The following CACNA2D3 variants were observed in gnomAD, a reference collection of about 807,000 sequenced individuals.
CACNA2D3 encodes voltage-dependent calcium channel subunit alpha-2/delta-3.
Under a neutral mutation model 160.6 loss-of-function variants are expected in CACNA2D3, and 60 were observed. That is an observed-to-expected ratio of 0.37 (90% CI 0.30 to 0.46). The LOEUF is 0.46. Ranked by LOEUF, CACNA2D3 falls within the 20% of genes least tolerant of loss-of-function variation. The pLI is 1.00. For synonymous variants in CACNA2D3, 558 were observed against 492.9 expected (o/e 1.13, Z -1.75); for missense variants, 1,205 against 1,365.0 (o/e 0.88, Z 1.85).
chr3:54,286,218 G>A lies in CACNA2D3; in HGVS notation c.205-34224G>A, dbSNP rs200259063. 8.3e-4 allele frequency among the ~76,000 whole-genome samples: 127 copies of A among 152,310 alleles called. No homozygotes were observed. The East Asian group carries it at 0.017, about 20-fold the overall frequency. On this transcript the variant is annotated intron_variant, in intron 2 of 37. Coordinates refer to ENST00000474759, the MANE Select transcript of CACNA2D3 (RefSeq NM_018398.3). ...GGAATGTATAACTAGAATAACCAAT[G>A]CAGAGAAGTCCTTAAAGGAGCTGAT...
intron 2 of CACNA2D3, among the ~76,000 whole-genome samples, chr3:54,308,177 G>T (rs1174181712): frequency 6.6e-6 from 1 of 152,152 alleles, no homozygotes. Flanking sequence ...AGGTGTGGTG[G>T]TTAAGAGCAT....
chr3:54,126,063 G>A (rs1699584599), intron 2 of CACNA2D3, among the ~76,000 whole-genome samples: 1 of 152,120 alleles, frequency 6.6e-6, no homozygotes, highest in African/African-American at 2.4e-5. Flanking sequence ...TCTTTTTAAG[G>A]CATGGATTTT....
intron 14 of CACNA2D3, among the ~76,000 whole-genome samples, chr3:54,819,787 G>A (rs189859735): frequency 5.3e-4 from 81 of 151,878 alleles, no homozygotes; most frequent in Admixed American, 1.4e-3. Flanking sequence ...GGAGGTTGCA[G>A]TGAGCCGAGA....
At chr3:54,812,019 C>T (rs1364419695) in intron 13 of CACNA2D3, among the ~76,000 whole-genome samples, 1 of 152,210 alleles carries the variant, frequency 6.6e-6, no homozygotes, top group Non-Finnish European at 1.5e-5. Context: ...CTGTCATAAT[C>T]ACCTGTCATT....
At chr3:54,997,183 TAAAATA>T (rs1702876921) in intron 31 of CACNA2D3, among the ~76,000 whole-genome samples, 1 of 151,834 alleles carries the variant, frequency 6.6e-6, no homozygotes, top group Non-Finnish European at 1.5e-5. Context: ...AAACAAAAAA[TAAAATA>T]AATAAAGTCC....
intron 9 of CACNA2D3, among the ~76,000 whole-genome samples, chr3:54,603,532 C>A (rs977252782): frequency 6.6e-6 from 1 of 152,202 alleles, no homozygotes; most frequent in Admixed American, 6.5e-5. Flanking sequence ...ATCTATCTTT[C>A]GTCCATGTCT....
intron 9 of CACNA2D3, among the ~76,000 whole-genome samples, chr3:54,621,271 A>G (rs780225348): frequency 9.9e-5 from 15 of 152,262 alleles, no homozygotes; most frequent in Non-Finnish European, 2.2e-4. Flanking sequence ...AGTCATCAGT[A>G]TGATTCAACT....
chr3:54,599,935 G>T (rs1166400905), intron 9 of CACNA2D3, among the ~76,000 whole-genome samples: 1 of 152,228 alleles, frequency 6.6e-6, no homozygotes, highest in Admixed American at 6.5e-5. Flanking sequence ...GCCTGGGGAG[G>T]ACCATCCAGA....
intron 4 of CACNA2D3, among the ~76,000 whole-genome samples, chr3:54,394,203 GAGTTACAACTACAACCC>G (rs1699332061): frequency 6.6e-6 from 1 of 152,036 alleles, no homozygotes; most frequent in Admixed American, 6.6e-5. Context: ...CCTGGGGTCA[GAGTTACAACTACAACCC>G]AGCTCCCCGG....
At chr3:54,169,157 G>A (rs966146298) in intron 2 of CACNA2D3, among the ~76,000 whole-genome samples, 1 of 152,128 alleles carries the variant, frequency 6.6e-6, no homozygotes, top group African/African-American at 2.4e-5. Flanking sequence ...GCACAAAACT[G>A]AAAAACTACA....
chr3:54,701,870 C>T (rs1167882955), intron 11 of CACNA2D3, among the ~76,000 whole-genome samples: 1 of 152,138 alleles, frequency 6.6e-6, no homozygotes, highest in African/African-American at 2.4e-5. Context: ...AACCTCAAGG[C>T]TGCAGTAACC....
chr3:54,248,301 T>G (rs1702120540), intron 2 of CACNA2D3, among the ~76,000 whole-genome samples: 1 of 151,730 alleles, frequency 6.6e-6, no homozygotes, highest in African/African-American at 2.4e-5. Context: ...GCCAACATAG[T>G]GAAACCCCGT....
intron 35 of CACNA2D3, among the ~76,000 whole-genome samples, chr3:55,065,705 A>G (rs1207186716): frequency 1.4e-5 from 2 of 147,870 alleles, no homozygotes; most frequent in East Asian, 2.0e-4. Context: ...AGGAGAGGAG[A>G]GGAGAGGTGG....
At chr3:54,555,296 T>C (rs1702226163) in intron 5 of CACNA2D3, among the ~76,000 whole-genome samples, 1 of 152,206 alleles carries the variant, frequency 6.6e-6, no homozygotes, top group East Asian at 1.9e-4. Flanking sequence ...CTTGGATCTA[T>C]GTGGGCTGAC....
chr3:54,566,190 A>G (rs1702406658), intron 6 of CACNA2D3, among the ~76,000 whole-genome samples: 1 of 152,202 alleles, frequency 6.6e-6, no homozygotes, highest in East Asian at 1.9e-4. Context: ...GTACAGAGCC[A>G]TAGTCCCTTT....
At chr3:54,909,643 A>ATTTTTT (rs759615370) in intron 27 of CACNA2D3, among the ~76,000 whole-genome samples, 1 of 123,854 alleles carries the variant, frequency 8.1e-6, no homozygotes, top group Non-Finnish European at 1.7e-5. Context: ...TTTTTTTGTG[A>ATTTTTT]TTTTTTTTTT....
intron 5 of CACNA2D3, among the ~76,000 whole-genome samples, chr3:54,555,127 T>G (rs1026360510): frequency 6.6e-5 from 10 of 152,128 alleles, no homozygotes; most frequent in African/African-American, 2.4e-4. Flanking sequence ...CCACCCACCT[T>G]GACCTCCCAA....
At chr3:54,443,488 T>C (rs2106799404) in intron 4 of CACNA2D3, among the ~76,000 whole-genome samples, 1 of 152,330 alleles carries the variant, frequency 6.6e-6, no homozygotes, top group East Asian at 1.9e-4. Flanking sequence ...CCATAGCTGT[T>C]AATTCTTTTG....
chr3:54,674,897 T>C (rs1700214157), intron 11 of CACNA2D3, among the ~76,000 whole-genome samples: 1 of 152,026 alleles, frequency 6.6e-6, no homozygotes, highest in Non-Finnish European at 1.5e-5. Flanking sequence ...AAGACACCAT[T>C]ATTGAGAGAG....
Sources: allele counts gnomAD v4.1 joint callset (sites outside exome capture counted in the v4.1 genomes callset), GRCh38; gene constraint gnomAD v4.1.1; transcripts MANE v1.5; gene names NCBI Gene and HGNC (gene_info 2026-07-23, HGNC 2026-07-21).